C4orf54: variants seen among roughly 807,000 people sequenced by gnomAD.
C4orf54 encodes the protein uncharacterized protein C4orf54.
A neutral mutation model predicts 80.1 loss-of-function variants in C4orf54; 67 were observed. That is an observed-to-expected ratio of 0.84 (90% confidence interval 0.69 to 1.03). The LOEUF (loss-of-function observed/expected upper bound fraction) is 1.03, where lower values mean the gene tolerates loss of function less well. Among genes scored for constraint, C4orf54 ranks in the 50% least tolerant of loss-of-function variants. C4orf54 has a pLI of 0.00. For missense variants in C4orf54, 2,434 were observed against 2,253.5 expected, an observed-to-expected ratio of 1.08 and a Z score of -1.62; for synonymous variants, 1,000 against 917.0, an observed-to-expected ratio of 1.09 and a Z score of -1.64.
rs1408820731 is a variant in C4orf54 at position 99,637,773 on chromosome 4, G to A, written c.*3460C>T. The A allele has an allele frequency of 6.6e-6, 1 of 152,092 alleles. No individual in the cohort carries two copies. Among genetic ancestry groups the A allele is most frequent in the Admixed American group, 6.6e-5 (1 of 15,248 alleles). 9.4% of individuals were successfully genotyped at this position (152,092 alleles called of 1,614,324 possible). ...ATAGCATACCCTGAGAATTTGGGGT[G>A]CAAACCTACACCTTGTAAACTGTAG... On this transcript the variant is annotated 3_prime_UTR_variant, in exon 3 of 3. Coordinates refer to ENST00000511828, the MANE Select transcript of C4orf54 (RefSeq NM_001354435.2).
Position 99,654,641 on chromosome 4 carries a change from G to A in C4orf54, c.8C>T (p.Ser3Phe), listed in dbSNP as rs1179435607. Residue 3 changes from serine (S) to phenylalanine (F), a missense_variant, in exon 2 of 3, where the codon TCC becomes TTC. Transcript: ENST00000511828. Reference protein sequence around the residue: MLSFHFWKSRGQP... With the variant: MLFFHFWKSRGQP... ...ACCCCGGGACTTCCAGAAATGAAAG[G>A]AAAGCATGTGCTGTTTCTTGTGAAG... The A allele has an allele frequency of 7.2e-6, 5 of 693,188 alleles. No homozygotes were observed. The highest frequency in any genetic ancestry group is 2.0e-5 in the Admixed American group (1 of 49,852). 42.9% of individuals were successfully genotyped at this position (693,188 alleles called of 1,614,324 possible). A position where few individuals can be genotyped will look rare whatever the true frequency, so the allele number is the denominator to read the frequency against.
chr4:99,654,188 G>C lies in C4orf54; in HGVS notation c.461C>G (p.Ser154Trp). 3.3e-6 allele frequency: 5 copies of C among 1,536,168 alleles called. No homozygotes were observed. Among genetic ancestry groups the C allele is most frequent in the Non-Finnish European group, 4.4e-6 (5 of 1,146,916 alleles). ...CCCCACCTCCGCCTGTCTTGCTTTCGAATTCAGCTCAGGAGGGGCAGCTTC... is the reference window on the plus strand; with the variant it reads ...CCCCACCTCCGCCTGTCTTGCTTTCCAATTCAGCTCAGGAGGGGCAGCTTC... ...IMEAAPPELN[S>W]KARQAEVGDG... Residue 154 changes from serine to tryptophan, a missense_variant, in exon 2 of 3, where the codon TCG becomes TGG. By Grantham distance (177) the Ser-to-Trp change is radical. Coordinates refer to ENST00000511828, the MANE Select transcript of C4orf54 (RefSeq NM_001354435.2).
Position 99,650,510 on chromosome 4 carries a change from T to G in C4orf54, c.4139A>C (p.Glu1380Ala), listed in dbSNP as rs1202660698. 13 of 1,536,098 alleles carry G rather than the reference T, an allele frequency of 8.5e-6. No individual in the cohort carries two copies. The highest frequency in any genetic ancestry group is 3.3e-4 in the Middle Eastern group (2 of 5,990). Residue 1380 changes from glutamate to alanine, a missense_variant, in exon 2 of 3, where the codon GAG (glutamate) becomes GCG (alanine). Physicochemically the swap from Glu to Ala is moderately radical, Grantham distance 107 (BLOSUM62 -1). Transcript: ENST00000511828. ...GAGGGGCTGCAGGGGTTGGGTTCTC[T>G]CTACATCCTTGTGGACTGGGGGAAT... is the stretch of plus-strand genomic sequence containing the variant. The part of the protein sequence containing the change: ...LYIPPVHKDV[E>A]RTQPLQPLPP...
rs1578274895 is a variant in C4orf54 at position 99,651,993 on chromosome 4, C to T, written c.2656G>A (p.Gly886Arg). The change falls in exon 2 of 3, where the codon GGG becomes AGG. Residue 886 changes from glycine (G) to arginine (R), a missense_variant. By Grantham distance (125) the Gly-to-Arg change is moderately radical (BLOSUM62 -2). Coordinates refer to ENST00000511828, the MANE Select transcript of C4orf54 (RefSeq NM_001354435.2). ...YTVVSMSDAGGEGSVAGSKSP... is the reference protein window; with the variant it reads ...YTVVSMSDAGREGSVAGSKSP... ...TTGGAGCCCGCCACGGACCCCTCCCCGCCCGCGTCGGACATGCTGACCACT... is the reference window on the plus strand; with the variant it reads ...TTGGAGCCCGCCACGGACCCCTCCCTGCCCGCGTCGGACATGCTGACCACT... The T allele has an allele frequency of 3.9e-6, 6 of 1,536,018 alleles. No homozygotes were observed. Among genetic ancestry groups the T allele is most frequent in the Admixed American group, 3.9e-5 (2 of 50,982 alleles).
Position 99,652,223 on chromosome 4 carries a change from G to A in C4orf54, c.2426C>T (p.Ala809Val). The part of the protein sequence containing the change: ...RADGPQKSKF[A>V]SSLLKNVISK... ...AATGACATTTTTGAGCAGACTGGAG[G>A]CGAACTTGGACTTCTGGGGGCCATC... The change falls in exon 2 of 3, where the codon GCC becomes GTC. Residue 809 changes from alanine to valine, a missense_variant. Transcript: ENST00000511828. The A allele has an allele frequency of 1.3e-6, 2 of 1,535,924 alleles. No individual in the cohort carries two copies. The highest frequency in any genetic ancestry group is 1.7e-6 in the Non-Finnish European group (2 of 1,146,844).
chr4:99,648,055 T>TTC (rs1025553077), intron 2 of C4orf54, among the ~76,000 whole-genome samples: 3 of 151,322 alleles, frequency 2.0e-5, no homozygotes, highest in Non-Finnish European at 4.4e-5. Flanking sequence ...TTTTTTTCTT[T>TTC]TTTTTTTTTG....
chr4:99,652,103 T>A lies in C4orf54; in HGVS notation c.2546A>T (p.Glu849Val), dbSNP rs890941840. The change falls in exon 2 of 3, where the codon GAG (glutamate) becomes GTG (valine). Residue 849 changes from glutamate (E) to valine (V), a missense_variant. Transcript: ENST00000511828. ...CTGCCTCTCGCTCCCGCGGGCGCCC[T>A]CCGTCTCCTTGGAGGTGCCTGAGAG... ...HHLSGTSKET[E>V]GARGSERQRE... is the part of the protein sequence containing the mutation. 18 of 1,535,912 alleles carry A rather than the reference T, an allele frequency of 1.2e-5. No individual in the cohort carries two copies. The African/African-American group carries it at 2.3e-4, about 20-fold the overall frequency.
In C4orf54 at chr4:99,638,292, T is replaced by C. The variant is rs1325682647; in HGVS notation, c.*2941A>G. On this transcript the variant is annotated 3_prime_UTR_variant, in exon 3 of 3. Transcript: ENST00000511828. The stretch of plus-strand genomic sequence containing the variant: ...TCACTTAATCCTGAGGGCAACTTCA[T>C]TGAGTACTTTTTAAAAACATACATT... 3.9e-5 allele frequency: 6 copies of C among 152,164 alleles called. No individual in the cohort carries two copies. The highest frequency in any genetic ancestry group is 1.9e-4 in the East Asian group (1 of 5,196). The allele number at this position is 152,164 out of a possible 1,614,324, so 9.4% of individuals were successfully genotyped here.
intron 1 of C4orf54, among the ~76,000 whole-genome samples, chr4:99,656,972 T>C (rs1031066502): frequency 6.6e-6 from 1 of 152,260 alleles, no homozygotes; most frequent in African/African-American, 2.4e-5. Flanking sequence ...TATAACTTGT[T>C]TGTTTTTTCT....
At chr4:99,648,261 G>C (rs1184063307) in intron 2 of C4orf54, among the ~76,000 whole-genome samples, 1 of 152,048 alleles carries the variant, frequency 6.6e-6, no homozygotes, top group Non-Finnish European at 1.5e-5. Context: ...AACAAGTAAA[G>C]CTCACTCTTC....
chr4:99,649,761 G>A lies in C4orf54; in HGVS notation c.4888C>T (p.Pro1630Ser), dbSNP rs532116806. The A allele has an allele frequency of 6.5e-7, 1 of 1,536,218 alleles. No individual in the cohort carries two copies. The highest frequency in any genetic ancestry group is 1.4e-5 in the African/African-American group (1 of 73,156). Residue 1630 changes from proline (P) to serine (S), a missense_variant, in exon 2 of 3, where the codon CCC becomes TCC. Transcript: ENST00000511828. ...GGGTCAAACAGTCTCCGGGTCATGG[G>A]CTGTACTGGTGTGTCCACCAGATAG... ...QYYLVDTPVQ[P>S]MTRRLFDPET...
rs1359712749 is a variant in C4orf54 at position 99,653,348 on chromosome 4, C to T, written c.1301G>A (p.Ser434Asn). Residue 434 changes from serine (S) to asparagine (N), a missense_variant, in exon 2 of 3, where the codon AGC becomes AAC. Ser to Asn is a conservative substitution (Grantham distance 46). Coordinates refer to ENST00000511828, the MANE Select transcript of C4orf54 (RefSeq NM_001354435.2). Reference protein sequence around the residue: ...EEDDDNSCYLSTTPSTNTTRT... With the variant: ...EEDDDNSCYLNTTPSTNTTRT... ...GGTGGTGTTGGTGCTGGGAGTGGTG[C>T]TGAGGTAGCAGCTGTTGTCGTCGTC... The T allele has an allele frequency of 6.5e-7, 1 of 1,535,568 alleles. No homozygotes were observed. The highest frequency in any genetic ancestry group is 8.7e-7 in the Non-Finnish European group (1 of 1,146,406).
Position 99,656,040 on chromosome 4 carries a change from T to C in C4orf54, c.-31-1361A>G, listed in dbSNP as rs563219722. Among the ~76,000 whole-genome samples the C allele has an allele frequency of 2.6e-5, 4 of 152,262 alleles. No homozygotes were observed. The South Asian group carries it at 8.3e-4, about 32-fold the overall frequency. On this transcript the variant is annotated intron_variant, in intron 1 of 2. Coordinates refer to ENST00000511828, the MANE Select transcript of C4orf54 (RefSeq NM_001354435.2). ...TGTGGACAACACAAGCCTGCCGTTA[T>C]CCTCTCAACTCCTTTCTGCCCACAC...
chr4:99,645,492 C>A (rs1726687141), intron 2 of C4orf54, among the ~76,000 whole-genome samples: 1 of 150,286 alleles, frequency 6.7e-6, no homozygotes, highest in African/African-American at 2.4e-5. Flanking sequence ...ACTACTTGTG[C>A]CAATGAAAGT....
Position 99,651,205 on chromosome 4 carries a change from C to A in C4orf54, c.3444G>T (p.Leu1148=). The change falls in exon 2 of 3, where the codon CTG becomes CTT. Residue 1148 remains leucine, a synonymous_variant. Transcript: ENST00000511828. ...LSAAAGGSGS[L]SPMVITCQAV... ...CCTGGCATGTAATCACCATGGGGGA[C>A]AGGGATCCAGATCCGCCAGCTGCTG... 1 of 1,536,150 alleles carries A rather than the reference C, an allele frequency of 6.5e-7. No individual in the cohort carries two copies. Among genetic ancestry groups the A allele is most frequent in the Non-Finnish European group, 8.7e-7 (1 of 1,146,912 alleles).
intron 2 of C4orf54, among the ~76,000 whole-genome samples, chr4:99,646,437 C>G (rs1726702444): frequency 6.6e-6 from 1 of 152,162 alleles, no homozygotes; most frequent in Admixed American, 6.5e-5. Flanking sequence ...TGGTTAATGG[C>G]CAAATGCCAC....
rs1005346649 is a variant in C4orf54 at position 99,636,840 on chromosome 4, T to C, written c.*4393A>G. The C allele has an allele frequency of 6.6e-6, 1 of 152,218 alleles. No individual in the cohort carries two copies. The highest frequency in any genetic ancestry group is 2.4e-5 in the African/African-American group (1 of 41,460). The allele number at this position is 152,218 out of a possible 1,614,324, so 9.4% of individuals were successfully genotyped here. The stretch of plus-strand genomic sequence containing the variant: ...TCAGGTAGGAACTTTTCCACCAAGA[T>C]TCCTACGTTGAGAGCAGTTTAAAAT... On this transcript the variant is annotated 3_prime_UTR_variant, in exon 3 of 3. Coordinates refer to ENST00000511828, the MANE Select transcript of C4orf54 (RefSeq NM_001354435.2).
Position 99,653,067 on chromosome 4 carries a change from G to A in C4orf54, c.1582C>T (p.Arg528Trp), listed in dbSNP as rs1726886285. The A allele has an allele frequency of 1.3e-6, 2 of 1,536,094 alleles. No individual in the cohort carries two copies. Among genetic ancestry groups the A allele is most frequent in the Admixed American group, 2.0e-5 (1 of 50,984 alleles). Residue 528 changes from arginine (R) to tryptophan (W), a missense_variant, in exon 2 of 3, where the codon CGG becomes TGG. Arg to Trp is a moderately radical substitution (Grantham distance 101). Coordinates refer to ENST00000511828, the MANE Select transcript of C4orf54 (RefSeq NM_001354435.2). ...ACGTTGCTAGGCTCATTTATAGCCC[G>A]GGAAGCCGGTTTGATTGATAGGAGG... is the stretch of plus-strand genomic sequence containing the variant. ...QILLSIKPASRAINEPSNVRA... is the reference protein window; with the variant it reads ...QILLSIKPASWAINEPSNVRA...
intron 2 of C4orf54, among the ~76,000 whole-genome samples, chr4:99,644,863 CAAAA>C (rs35279198): frequency 2.7e-5 from 2 of 73,852 alleles, no homozygotes; most frequent in African/African-American, 3.9e-5. Flanking sequence ...GAACAAGTTG[CAAAA>C]AAAAAAAAAA....
Sources: allele counts gnomAD v4.1 joint callset (sites outside exome capture counted in the v4.1 genomes callset), GRCh38; gene constraint gnomAD v4.1.1; transcripts MANE v1.5; gene names NCBI Gene and HGNC (gene_info 2026-07-23, HGNC 2026-07-21).